SNX29: variants seen among roughly 807,000 people sequenced by gnomAD.
SNX29 encodes sorting nexin 29, also known as sorting nexin-29.
SNX29 carries 78 observed loss-of-function variants against 102.1 expected under a neutral mutation model. The ratio of observed to expected loss-of-function variants is 0.76; its 90% confidence interval spans 0.64 to 0.92. The LOEUF (loss-of-function observed/expected upper bound fraction) is 0.92, where lower values mean the gene tolerates loss of function less well. Among genes scored for constraint, SNX29 ranks in the 40% least tolerant of loss-of-function variants. The pLI is 0.00. For missense variants in SNX29, 1,280 were observed against 1,061.7 expected, an observed-to-expected ratio of 1.21 and a Z score of -2.86; for synonymous variants, 580 against 414.5, an observed-to-expected ratio of 1.40 and a Z score of -4.85.
intron 19 of SNX29, among the ~76,000 whole-genome samples, chr16:12,479,748 A>G (rs575285248): frequency 6.6e-6 from 1 of 152,242 alleles, no homozygotes; most frequent in Non-Finnish European, 1.5e-5. Context: ...CGTATTATCA[A>G]ATTATAAGAC....
chr16:12,310,067 CACAT>C (rs370445116), intron 15 of SNX29, among the ~76,000 whole-genome samples: 8 of 151,720 alleles, frequency 5.3e-5, no homozygotes, highest in South Asian at 4.2e-4. Flanking sequence ...CGCATGCACG[CACAT>C]ACATACACAT....
intron 17 of SNX29, among the ~76,000 whole-genome samples, chr16:12,399,432 C>T (rs1236100925): frequency 6.6e-6 from 1 of 152,198 alleles, no homozygotes; most frequent in Non-Finnish European, 1.5e-5. Context: ...TGTCTCCTCT[C>T]TCATTCATCT....
intron 11 of SNX29, among the ~76,000 whole-genome samples, chr16:12,095,895 T>G (rs1356300137): frequency 1.3e-5 from 2 of 152,216 alleles, no homozygotes; most frequent in African/African-American, 4.8e-5. Context: ...TCTTGGCTAT[T>G]ATTGGAAGAG....
At chr16:12,538,313 G>A (rs1221937665) in intron 20 of SNX29, among the ~76,000 whole-genome samples, 1 of 152,036 alleles carries the variant, frequency 6.6e-6, no homozygotes, top group Non-Finnish European at 1.5e-5. Flanking sequence ...GTAGAGAGGG[G>A]GTTTCACCAT....
At chr16:12,327,794 G>T (rs986081910) in intron 15 of SNX29, among the ~76,000 whole-genome samples, 7 of 152,092 alleles carry the variant, frequency 4.6e-5, no homozygotes, top group African/African-American at 1.7e-4. Flanking sequence ...GGCAGGAAGG[G>T]TCCTAAATTG....
rs182143222 is a variant in SNX29, at chr16:11,990,569, G to C, written c.8-8728G>C. Among the ~76,000 whole-genome samples, 217 of 152,194 alleles carry C rather than the reference G, an allele frequency of 1.4e-3. 1 individual carries two copies. The highest frequency in any genetic ancestry group is 5.0e-3 in the African/African-American group (209 of 41,528). ...TTATTTGGAATGGTTGTGGATTTTG[G>C]GGGGTGGGATGGGAGTTAAACAATA... On this transcript the variant is annotated intron_variant, in intron 1 of 20. Coordinates refer to ENST00000566228, the MANE Select transcript of SNX29 (RefSeq NM_032167.5).
At chr16:12,546,094 C>G (rs1035589901) in intron 20 of SNX29, among the ~76,000 whole-genome samples, 2 of 152,154 alleles carry the variant, frequency 1.3e-5, no homozygotes, top group Non-Finnish European at 2.9e-5. Flanking sequence ...TCTCACTTCA[C>G]TGTGTGACTT....
At chr16:12,237,385 G>T (rs989872358) in intron 14 of SNX29, among the ~76,000 whole-genome samples, 3 of 152,206 alleles carry the variant, frequency 2.0e-5, no homozygotes, top group African/African-American at 7.2e-5. Context: ...AAGCCTCCCA[G>T]ATTTTGCAAT....
intron 20 of SNX29, among the ~76,000 whole-genome samples, chr16:12,529,999 G>A (rs1280383975): frequency 6.6e-6 from 1 of 152,160 alleles, no homozygotes; most frequent in African/African-American, 2.4e-5. Context: ...ATATTGGTTA[G>A]GTGTGTGTTC....
At chr16:12,205,230 C>T (rs755942688) in intron 14 of SNX29, among the ~76,000 whole-genome samples, 2 of 152,192 alleles carry the variant, frequency 1.3e-5, no homozygotes, top group African/African-American at 2.4e-5. Flanking sequence ...CCTATGTGCA[C>T]GGCCTGCTGT....
intron 13 of SNX29, among the ~76,000 whole-genome samples, chr16:12,166,367 G>A (rs796761205): frequency 6.6e-6 from 1 of 152,170 alleles, no homozygotes; most frequent in Non-Finnish European, 1.5e-5. Context: ...TGGTTTGGGA[G>A]CACAGAGGAA....
At chr16:12,505,278 A>G (rs982970911) in intron 19 of SNX29, among the ~76,000 whole-genome samples, 4 of 152,212 alleles carry the variant, frequency 2.6e-5, no homozygotes, top group Non-Finnish European at 5.9e-5. Flanking sequence ...TGGTTTACAA[A>G]TAACAGAAAC....
chr16:12,315,989 C>T (rs1251433247), intron 15 of SNX29, among the ~76,000 whole-genome samples: 2 of 152,328 alleles, frequency 1.3e-5, no homozygotes, highest in East Asian at 1.9e-4. Flanking sequence ...TCAACAGATA[C>T]ACAACTGCGT....
At chr16:12,311,180 G>A (rs73506182) in intron 15 of SNX29, among the ~76,000 whole-genome samples, 9,868 of 152,156 alleles carry the variant, frequency 0.065, 1,077 homozygotes, top group African/African-American at 0.22. Flanking sequence ...GGAACTTCAG[G>A]GAGTTTTTTT....
chr16:12,561,896 C>T (rs771202947), intron 20 of SNX29, among the ~76,000 whole-genome samples: 33 of 152,122 alleles, frequency 2.2e-4, no homozygotes, highest in Admixed American at 3.9e-4. Context: ...CCGTGGCATC[C>T]CAGGAGTTCC....
At chr16:12,263,881 A>G (rs966992341) in intron 14 of SNX29, among the ~76,000 whole-genome samples, 1 of 152,200 alleles carries the variant, frequency 6.6e-6, no homozygotes, top group African/African-American at 2.4e-5. Context: ...CTGAGAAGCT[A>G]GATGGAGTCT....
chr16:12,559,131 C>G (rs537471485), intron 20 of SNX29, among the ~76,000 whole-genome samples: 2 of 152,136 alleles, frequency 1.3e-5, no homozygotes, highest in African/African-American at 4.8e-5. Context: ...TTGGATCCCT[C>G]TTCTGGTCCC....
chr16:12,569,825 T>C lies in SNX29; in HGVS notation c.*1196T>C, dbSNP rs149390717. The C allele has an allele frequency of 4.3e-6, 1 of 230,576 alleles. No individual in the cohort carries two copies. The highest frequency in any genetic ancestry group is 2.2e-5 in the African/African-American group (1 of 45,310). The allele number at this position is 230,576 out of a possible 1,614,324, so 14.3% of individuals were successfully genotyped here. On this transcript the variant is annotated 3_prime_UTR_variant, in exon 21 of 21. Transcript: ENST00000566228. ...CAGCAAAGTTGTGGCAGTTTGCATT[T>C]CTAGGGTAAACTAACTAGGAAGGAT...
At chr16:12,476,407 T>TACAC (rs1567603288) in intron 18 of SNX29, among the ~76,000 whole-genome samples, 1 of 20,696 alleles carries the variant, frequency 4.8e-5, no homozygotes, top group African/African-American at 4.7e-4. Flanking sequence ...TATATATATA[T>TACAC]ATATACATAT....
Sources: allele counts gnomAD v4.1 joint callset (sites outside exome capture counted in the v4.1 genomes callset), GRCh38; gene constraint gnomAD v4.1.1; transcripts MANE v1.5; gene names NCBI Gene and HGNC (gene_info 2026-07-23, HGNC 2026-07-21).